Variants in RBFOX1 observed in about 807,000 individuals in gnomAD.
RBFOX1 encodes RNA binding fox-1 homolog 1.
In RBFOX1, 8 loss-of-function variants were observed where a neutral mutation model predicts 57.7. That is an observed-to-expected ratio of 0.14 (90% CI 0.08 to 0.25). The LOEUF is 0.25. Among genes scored for constraint, RBFOX1 ranks in the 10% least tolerant of loss-of-function variants. The pLI, the probability that RBFOX1 is intolerant of heterozygous loss-of-function variation, is 1.00. For synonymous variants in RBFOX1, 326 were observed against 222.4 expected (o/e 1.47, Z -4.15); for missense variants, 611 against 548.5 (o/e 1.11, Z -1.14).
At chr16:6,547,145 A>C (rs1452232928) in intron 2 of RBFOX1, among the ~76,000 whole-genome samples, 1 of 152,236 alleles carries the variant, frequency 6.6e-6, no homozygotes, top group Non-Finnish European at 1.5e-5. Context: ...ACTAAGATGC[A>C]AGCCATTCTT....
At chr16:6,579,566 C>G (rs879888848) in intron 2 of RBFOX1, among the ~76,000 whole-genome samples, 5 of 152,146 alleles carry the variant, frequency 3.3e-5, no homozygotes, top group Admixed American at 3.3e-4. Flanking sequence ...TTGCTCTGCA[C>G]TTTTCCTTGC....
chr16:7,557,637 A>AG (rs1369635889), intron 5 of RBFOX1, among the ~76,000 whole-genome samples: 17 of 103,408 alleles, frequency 1.6e-4, no homozygotes, highest in Non-Finnish European at 2.9e-4. Flanking sequence ...AAAAAAAAAA[A>AG]AAAAAGAAAA....
At chr16:6,800,043 C>G (rs1461279508) in intron 3 of RBFOX1, among the ~76,000 whole-genome samples, 1 of 152,140 alleles carries the variant, frequency 6.6e-6, no homozygotes, top group Non-Finnish European at 1.5e-5. Flanking sequence ...AATACACCAT[C>G]TAAGATAACT....
chr16:7,143,853 C>CT (rs150081109), intron 4 of RBFOX1, among the ~76,000 whole-genome samples: 4,597 of 152,184 alleles, frequency 0.03, 231 homozygotes, highest in African/African-American at 0.1. Context: ...CTAGCAGGTA[C>CT]TATAAGATCC....
intron 1 of RBFOX1, among the ~76,000 whole-genome samples, chr16:5,282,588 C>A (rs566197378): frequency 9.3e-5 from 13 of 139,774 alleles, no homozygotes; most frequent in Non-Finnish European, 2.1e-4. Context: ...ACAAAGGTGA[C>A]TCCTATTATG....
At chr16:6,230,229 A>T (rs1850836463) in intron 1 of RBFOX1, among the ~76,000 whole-genome samples, 2 of 152,158 alleles carry the variant, frequency 1.3e-5, no homozygotes, top group Non-Finnish European at 2.9e-5. Flanking sequence ...TGATCTTTTA[A>T]TTTTTTTAAA....
intron 1 of RBFOX1, among the ~76,000 whole-genome samples, chr16:6,125,478 G>A (rs1392732090): frequency 6.6e-6 from 1 of 152,160 alleles, no homozygotes; most frequent in Non-Finnish European, 1.5e-5. Context: ...ATACACATTT[G>A]CTCTTTGATG....
chr16:5,827,911 AT>A (rs1295476681), intron 3 of RBFOX1, among the ~76,000 whole-genome samples: 8 of 148,460 alleles, frequency 5.4e-5, no homozygotes, highest in African/African-American at 1.8e-4. Flanking sequence ...CCATCCATCC[AT>A]CCATCCACCC....
chr16:5,254,811 T>C (rs1378967344), intron 1 of RBFOX1, among the ~76,000 whole-genome samples: 1 of 152,174 alleles, frequency 6.6e-6, no homozygotes, highest in Non-Finnish European at 1.5e-5. Context: ...ATTCAAAGGC[T>C]GGAAGAAGGG....
intron 4 of RBFOX1, among the ~76,000 whole-genome samples, chr16:7,218,747 T>C (rs1434014565): frequency 6.6e-6 from 1 of 150,520 alleles, no homozygotes. Flanking sequence ...TTTTTTAAAG[T>C]AGTTTTCAGC....
intron 2 of RBFOX1, among the ~76,000 whole-genome samples, chr16:6,384,609 T>G (rs184402385): frequency 1.3e-4 from 20 of 152,360 alleles, no homozygotes; most frequent in Admixed American, 7.8e-4. Flanking sequence ...GGAGGTCATC[T>G]AATTCGTCTC....
intron 4 of RBFOX1, among the ~76,000 whole-genome samples, chr16:7,224,017 A>G (rs1162904089): frequency 1.4e-5 from 2 of 147,378 alleles, no homozygotes; most frequent in African/African-American, 5.0e-5. Context: ...AGTACATATT[A>G]TTTATGCATA....
intron 5 of RBFOX1, among the ~76,000 whole-genome samples, chr16:7,551,821 CT>C (rs1437904857): frequency 6.6e-6 from 1 of 152,098 alleles, no homozygotes; most frequent in East Asian, 1.9e-4. Flanking sequence ...CGGTGTTTTT[CT>C]TTTTTCTTTT....
chr16:5,713,568 G>C (rs1449897789), intron 3 of RBFOX1, among the ~76,000 whole-genome samples: 1 of 152,082 alleles, frequency 6.6e-6, no homozygotes, highest in African/African-American at 2.4e-5. Flanking sequence ...GGTTCTAAAA[G>C]CCCAAACTAG....
chr16:7,189,707 C>G (rs1379836840), intron 4 of RBFOX1, among the ~76,000 whole-genome samples: 4 of 152,328 alleles, frequency 2.6e-5, no homozygotes, highest in African/African-American at 9.6e-5. Context: ...TTATAAATTA[C>G]TGATGGGGTC....
chr16:6,792,080 A>C (rs2083079273), intron 3 of RBFOX1, among the ~76,000 whole-genome samples: 1 of 152,188 alleles, frequency 6.6e-6, no homozygotes, highest in Admixed American at 6.5e-5. Flanking sequence ...ATTACTGATA[A>C]TACCTAAATA....
chr16:5,375,159 G>C (rs1388047678), intron 1 of RBFOX1, among the ~76,000 whole-genome samples: 1 of 148,072 alleles, frequency 6.8e-6, no homozygotes, highest in African/African-American at 2.5e-5. Context: ...GAGTTAAACC[G>C]ATCTCTTCGA....
At chr16:5,950,922 A>G (rs1880420904) in intron 4 of RBFOX1, among the ~76,000 whole-genome samples, 1 of 152,120 alleles carries the variant, frequency 6.6e-6, no homozygotes, top group East Asian at 1.9e-4. Context: ...GCCAGAGAGG[A>G]TAAGAGACCT....
At chr16:7,433,339 C>T (rs185374206) in intron 4 of RBFOX1, among the ~76,000 whole-genome samples, 5 of 152,344 alleles carry the variant, frequency 3.3e-5, no homozygotes, top group African/African-American at 1.2e-4. Flanking sequence ...GCAGTAGTCT[C>T]TCTAAAGGAA....
Sources: allele counts gnomAD v4.1 joint callset (sites outside exome capture counted in the v4.1 genomes callset), GRCh38; gene constraint gnomAD v4.1.1; transcripts MANE v1.5; gene names NCBI Gene and HGNC (gene_info 2026-07-23, HGNC 2026-07-21).